RERE: variants seen among roughly 807,000 people sequenced by gnomAD.
RERE encodes the protein arginine-glutamic acid dipeptide repeats, also known as arginine-glutamic acid dipeptide repeats protein.
In RERE, 40 loss-of-function variants were observed where a neutral mutation model predicts 146.1. The ratio of observed to expected loss-of-function variants is 0.27; its 90% CI spans 0.21 to 0.36. RERE has a LOEUF of 0.36. RERE is among the 10% of genes least tolerant of loss of function. The probability of loss-of-function intolerance (pLI) is 1.00; values close to 1 mark genes in which losing one functional copy is unlikely to be tolerated. For synonymous variants in RERE, 1,003 were observed against 866.0 expected, an observed-to-expected ratio of 1.16 and a Z score of -2.78; for missense variants, 1,933 against 2,138.7, an observed-to-expected ratio of 0.90 and a Z score of 1.90.
At position 8,624,359 on chromosome 1, in the gene RERE, C is replaced by G; in HGVS notation, c.347G>C (p.Arg116Pro). ...RPGDCVYIES[R>P]RPNTPYFICS... The stretch of plus-strand genomic sequence containing the variant: ...GATGAAATACGGTGTGTTTGGCCTC[C>G]GACTCTCGATATACACACAGTCTTT... Residue 116 changes from arginine to proline, a missense_variant, in exon 3 of 23, where the codon CGG becomes CCG. By Grantham distance (103) the Arg-to-Pro change is moderately radical (BLOSUM62 -2). Transcript: ENST00000400908. The G allele has an allele frequency of 1.2e-6, 2 of 1,610,808 alleles. No homozygotes were observed. Among genetic ancestry groups the G allele is most frequent in the African/African-American group, 1.3e-5 (1 of 74,858 alleles).
intron 7 of RERE, among the ~76,000 whole-genome samples, chr1:8,529,557 C>A (rs917199532): frequency 2.6e-5 from 4 of 152,074 alleles, no homozygotes; most frequent in African/African-American, 9.6e-5. Context: ...GCCTCGGCCT[C>A]CCAAACTGCT....
chr1:8,665,164 C>T (rs1305719151), intron 1 of RERE, among the ~76,000 whole-genome samples: 1 of 152,178 alleles, frequency 6.6e-6, no homozygotes, highest in Admixed American at 6.5e-5. Context: ...GCCTAGGTGC[C>T]TCCTACCCTT....
chr1:8,372,090 C>T lies in RERE; in HGVS notation c.1285-6116G>A, dbSNP rs1642058939. On this transcript the variant is annotated intron_variant, in intron 12 of 22. Coordinates refer to ENST00000400908, the MANE Select transcript of RERE (RefSeq NM_001042681.2). ...CTGTGATAAGCCACATGTCTTCTCT[C>T]TCTTTAGGGGCATGGGGGAGTGAAA... 2.0e-5 allele frequency among the ~76,000 whole-genome samples: 3 copies of T among 152,194 alleles called. No individual in the cohort carries two copies. The South Asian group carries it at 6.2e-4, about 32-fold the overall frequency.
At chr1:8,701,925 C>T (rs1332701120) in intron 1 of RERE, among the ~76,000 whole-genome samples, 1 of 152,120 alleles carries the variant, frequency 6.6e-6, no homozygotes, top group African/African-American at 2.4e-5. Context: ...CTCTCAGAGC[C>T]CAAGTCTAAC....
intron 8 of RERE, among the ~76,000 whole-genome samples, chr1:8,500,395 T>C (rs1329313203): frequency 2.6e-5 from 4 of 152,244 alleles, no homozygotes; most frequent in African/African-American, 9.6e-5. Context: ...ATTGATGAGT[T>C]GGAGACGGGG....
intron 7 of RERE, among the ~76,000 whole-genome samples, chr1:8,510,656 T>C (rs1020554955): frequency 6.6e-6 from 1 of 152,246 alleles, no homozygotes; most frequent in African/African-American, 2.4e-5. Context: ...TCCTTTTCTA[T>C]TTTCTAACTA....
chr1:8,701,342 CCT>C lies in RERE; in HGVS notation c.-144-44903_-144-44902del, dbSNP rs148777324. On this transcript the variant is annotated intron_variant, in intron 1 of 22. Coordinates refer to ENST00000400908, the MANE Select transcript of RERE (RefSeq NM_001042681.2). Reference sequence around the variant, plus strand: ...CACACACGCACACACTCCCTCCCTCCCTCTCTCAGGCATTTCAAAAATAATCA... The same window carrying C: ...CACACACGCACACACTCCCTCCCTCCCTCTCAGGCATTTCAAAAATAATCA... Among the ~76,000 whole-genome samples, 10 of 149,880 alleles carry C rather than the reference CCT, an allele frequency of 6.7e-5. No individual in the cohort carries two copies. In the South Asian group the frequency reaches 1.3e-3, roughly 19 times the overall value.
intron 11 of RERE, among the ~76,000 whole-genome samples, chr1:8,443,782 G>T (rs1257948176): frequency 9.2e-5 from 14 of 152,220 alleles, no homozygotes; most frequent in Admixed American, 9.2e-4. Flanking sequence ...TACAGCTCAG[G>T]CTGCTGCTTC....
intron 1 of RERE, among the ~76,000 whole-genome samples, chr1:8,686,832 G>A (rs946382478): frequency 2.6e-5 from 4 of 152,152 alleles, no homozygotes; most frequent in African/African-American, 7.2e-5. Context: ...AAGTAGAGCC[G>A]AGACTGAGGG....
chr1:8,534,733 C>A (rs1645702924), intron 7 of RERE, among the ~76,000 whole-genome samples: 1 of 152,146 alleles, frequency 6.6e-6, no homozygotes, highest in Non-Finnish European at 1.5e-5. Context: ...CACAAAGCAA[C>A]CTCCCACAAA....
intron 10 of RERE, among the ~76,000 whole-genome samples, chr1:8,480,704 G>A (rs193014482): frequency 1.4e-3 from 220 of 152,262 alleles, no homozygotes; most frequent in African/African-American, 5.1e-3. Flanking sequence ...CCAAAATGCT[G>A]GGATTACAGG....
rs149434237 is a variant in RERE at position 8,468,032 on chromosome 1, A to G, written c.1105-2009T>C. Among the ~76,000 whole-genome samples, 483 of 152,344 alleles carry G rather than the reference A, an allele frequency of 3.2e-3. 3 individuals carry two copies. Among genetic ancestry groups the G allele is most frequent in the African/African-American group, 0.011 (442 of 41,574 alleles). On this transcript the variant is annotated intron_variant, in intron 10 of 22. Coordinates refer to ENST00000400908, the MANE Select transcript of RERE (RefSeq NM_001042681.2). Reference sequence around the variant, plus strand: ...GCATTCTCACAGTTTAGAGGGCACTAATTTATTTTAAATCAAGACTGGGAA... The same window carrying G: ...GCATTCTCACAGTTTAGAGGGCACTGATTTATTTTAAATCAAGACTGGGAA...
At chr1:8,543,003 T>C (rs1460706942) in intron 6 of RERE, among the ~76,000 whole-genome samples, 1 of 152,214 alleles carries the variant, frequency 6.6e-6, no homozygotes, top group Non-Finnish European at 1.5e-5. Flanking sequence ...AACAAATAAA[T>C]TATTTGATCT....
Position 8,433,428 on chromosome 1 carries a change from T to C in RERE, c.1204-10621A>G, listed in dbSNP as rs190145169. Among the ~76,000 whole-genome samples the C allele has an allele frequency of 5.3e-4, 81 of 152,358 alleles. No individual in the cohort carries two copies. The Middle Eastern group carries it at 0.01, about 19-fold the overall frequency. On this transcript the variant is annotated intron_variant, in intron 11 of 22. Transcript: ENST00000400908. ...GTTCTCCCTCTCTGGACATGTGTCT[T>C]TGAAATAAATCCTAGTTTCAGCACA...
Position 8,361,251 on chromosome 1 carries a change from G to A in RERE, c.2256C>T (p.Ser752=). Residue 752 remains serine (S), a synonymous_variant, in exon 18 of 23, where the codon TCC becomes TCT. Transcript: ENST00000400908. ...QAPTGVTPAP[S]SAPPGTPQLP... is the part of the protein sequence containing the mutation. Reference sequence around the variant, plus strand: ...GCTGAGGGGTCCCTGGAGGAGCTGAGGAGGGAGCTGGGGTGACCCCAGTGG... The same window carrying A: ...GCTGAGGGGTCCCTGGAGGAGCTGAAGAGGGAGCTGGGGTGACCCCAGTGG... The A allele has an allele frequency of 6.4e-7, 1 of 1,568,184 alleles. No homozygotes were observed. The highest frequency in any genetic ancestry group is 8.6e-7 in the Non-Finnish European group (1 of 1,159,160).
chr1:8,707,521 G>A (rs1639581479), intron 1 of RERE, among the ~76,000 whole-genome samples: 2 of 151,690 alleles, frequency 1.3e-5, no homozygotes, highest in Admixed American at 6.6e-5. Flanking sequence ...GACCACCGAG[G>A]CAGCAAGGAA....
intron 2 of RERE, among the ~76,000 whole-genome samples, chr1:8,640,050 G>A (rs1023902017): frequency 3.9e-5 from 6 of 152,142 alleles, no homozygotes; most frequent in East Asian, 1.9e-4. Flanking sequence ...CTACTTGAGA[G>A]GCTGAAGTGG....
chr1:8,617,225 T>C (rs1246289247), intron 3 of RERE, among the ~76,000 whole-genome samples: 1 of 151,346 alleles, frequency 6.6e-6, no homozygotes, highest in African/African-American at 2.4e-5. Flanking sequence ...GTGTCTGTAA[T>C]TCCAGCTACT....
intron 1 of RERE, among the ~76,000 whole-genome samples, chr1:8,785,715 G>A (rs1024964944): frequency 2.6e-5 from 4 of 152,048 alleles, no homozygotes; most frequent in South Asian, 2.1e-4. Context: ...TCCGCCTCCC[G>A]GGTTCAAGCA....
Sources: allele counts gnomAD v4.1 joint callset (sites outside exome capture counted in the v4.1 genomes callset), GRCh38; gene constraint gnomAD v4.1.1; transcripts MANE v1.5; gene names NCBI Gene and HGNC (gene_info 2026-07-23, HGNC 2026-07-21).